Variants in FOXP2 observed in about 807,000 individuals in gnomAD.
The protein encoded by FOXP2 is forkhead box protein P2.
In FOXP2, 12 loss-of-function variants were observed where a neutral mutation model predicts 115.8. The ratio of observed to expected loss-of-function variants is 0.10; its 90% CI spans 0.07 to 0.17. The LOEUF is 0.17. Ranked by LOEUF, FOXP2 falls within the 10% of genes least tolerant of loss-of-function variation. The pLI is 1.00. For missense variants in FOXP2, 629 were observed against 843.5 expected, an observed-to-expected ratio of 0.75 and a Z score of 3.15; for synonymous variants, 328 against 297.7, an observed-to-expected ratio of 1.10 and a Z score of -1.05.
At chr7:114,678,345 C>G (rs576803343) in intron 16 of FOXP2, among the ~76,000 whole-genome samples, 1 of 152,100 alleles carries the variant, frequency 6.6e-6, no homozygotes, top group East Asian at 1.9e-4. Flanking sequence ...GATGGGGATA[C>G]CTGTAAAATG....
chr7:114,255,561 C>CGAGG (rs975191748), intron 1 of FOXP2, among the ~76,000 whole-genome samples: 21 of 152,326 alleles, frequency 1.4e-4, no homozygotes, highest in Non-Finnish European at 2.9e-4. Context: ...TAGCAATGAA[C>CGAGG]GAGGATCCGT....
At chr7:114,555,668 A>C (rs1016049956) in intron 3 of FOXP2, among the ~76,000 whole-genome samples, 2 of 152,048 alleles carry the variant, frequency 1.3e-5, no homozygotes, top group Non-Finnish European at 2.9e-5. Flanking sequence ...GTGGTGTTAC[A>C]TGCCTGTCAT....
At chr7:114,200,823 T>G (rs550997521) in intron 1 of FOXP2, among the ~76,000 whole-genome samples, 1 of 152,294 alleles carries the variant, frequency 6.6e-6, no homozygotes, top group Non-Finnish European at 1.5e-5. Context: ...ATCTTTTTTC[T>G]AAACATTGAC....
intron 2 of FOXP2, among the ~76,000 whole-genome samples, chr7:114,518,074 G>GGTGACTATTATA (rs1187881961): frequency 6.6e-6 from 1 of 151,736 alleles, no homozygotes. Context: ...AGTATTTTTT[G>GGTGACTATTATA]GTGACTATTA....
At chr7:114,124,161 G>T (rs1011873967) in intron 1 of FOXP2, among the ~76,000 whole-genome samples, 2 of 151,794 alleles carry the variant, frequency 1.3e-5, no homozygotes, top group Non-Finnish European at 2.9e-5. Flanking sequence ...ATATTGTTTG[G>T]CCCTAGGAAG....
At chr7:114,590,508 A>T (rs1365225666) in intron 3 of FOXP2, among the ~76,000 whole-genome samples, 3 of 152,130 alleles carry the variant, frequency 2.0e-5, no homozygotes, top group Admixed American at 2.0e-4. Context: ...GGGTTCCTGT[A>T]TTAACTTCCC....
At chr7:114,337,182 A>G (rs1797873448) in intron 2 of FOXP2, among the ~76,000 whole-genome samples, 1 of 151,534 alleles carries the variant, frequency 6.6e-6, no homozygotes, top group Non-Finnish European at 1.5e-5. Context: ...TTAAAACAGA[A>G]GGTGTTCAAG....
intron 2 of FOXP2, among the ~76,000 whole-genome samples, chr7:114,431,091 A>C (rs994813174): frequency 2.6e-5 from 4 of 151,930 alleles, no homozygotes; most frequent in Admixed American, 2.0e-4. Flanking sequence ...TATAGGTACA[A>C]GTGGTAGCAT....
At chr7:114,346,582 A>G (rs1055546257) in intron 2 of FOXP2, among the ~76,000 whole-genome samples, 2 of 151,868 alleles carry the variant, frequency 1.3e-5, no homozygotes, top group African/African-American at 4.8e-5. Context: ...ACACAATGGA[A>G]TACTATTCAG....
At chr7:114,134,212 T>G (rs1791963374) in intron 1 of FOXP2, among the ~76,000 whole-genome samples, 1 of 152,148 alleles carries the variant, frequency 6.6e-6, no homozygotes. Flanking sequence ...ACCTTAGCTC[T>G]TTTGGTACAA....
At chr7:114,400,993 G>A (rs138877633) in intron 2 of FOXP2, among the ~76,000 whole-genome samples, 21 of 152,238 alleles carry the variant, frequency 1.4e-4, no homozygotes, top group Admixed American at 3.9e-4. Context: ...GCAGGAGTAA[G>A]GGAGATTCTG....
chr7:114,354,386 T>G (rs942037019), intron 2 of FOXP2, among the ~76,000 whole-genome samples: 4 of 152,110 alleles, frequency 2.6e-5, no homozygotes, highest in African/African-American at 7.2e-5. Flanking sequence ...CTCATATATA[T>G]GTATATATAA....
intron 1 of FOXP2, among the ~76,000 whole-genome samples, chr7:114,245,425 A>G (rs1795257251): frequency 6.6e-6 from 1 of 152,186 alleles, no homozygotes; most frequent in Non-Finnish European, 1.5e-5. Context: ...AATATGTGTA[A>G]GTTTTCCTCC....
chr7:114,304,298 C>T (rs1461539504), intron 2 of FOXP2, among the ~76,000 whole-genome samples: 1 of 151,802 alleles, frequency 6.6e-6, no homozygotes, highest in Non-Finnish European at 1.5e-5. Context: ...ATGCTAGACT[C>T]CTAGCATTGA....
chr7:114,144,930 A>G (rs1456008224), intron 1 of FOXP2, among the ~76,000 whole-genome samples: 2 of 152,194 alleles, frequency 1.3e-5, no homozygotes, highest in African/African-American at 2.4e-5. Flanking sequence ...TTAATGTTCA[A>G]ATTGACTCTT....
chr7:114,126,940 C>G (rs1791726387), intron 1 of FOXP2, among the ~76,000 whole-genome samples: 1 of 152,088 alleles, frequency 6.6e-6, no homozygotes, highest in South Asian at 2.1e-4. Context: ...ACTTTATTAT[C>G]TCATAGTTTT....
At chr7:114,667,282 T>G (rs546597044) in intron 16 of FOXP2, 1 of 151,958 alleles carries the variant, frequency 6.6e-6, no homozygotes, top group Non-Finnish European at 1.5e-5. Flanking sequence ...TAAAAATTAG[T>G]TGGGTGTGGT....
chr7:114,629,962 A>T lies in FOXP2; in HGVS notation c.554A>T (p.Gln185Leu), dbSNP rs1029480822. The part of the protein sequence containing the change: ...QQQQQQQQQQ[Q>L]QQQQQQHPGK... ...CAACAACAGCAGCAGCAGCAGCAACAGCAGCAGCAGCAGCAACAGCATCCT... is the reference window on the plus strand; with the variant it reads ...CAACAACAGCAGCAGCAGCAGCAACTGCAGCAGCAGCAGCAACAGCATCCT... The change falls in exon 5 of 17, where the codon CAG (glutamine) becomes CTG (leucine). Residue 185 changes from glutamine (Q) to leucine (L), a missense_variant. Gln to Leu is a moderately radical substitution (Grantham distance 113, BLOSUM62 -2). Transcript: ENST00000350908. 25 of 1,597,870 alleles carry T rather than the reference A, an allele frequency of 1.6e-5. No homozygotes were observed. The highest frequency in any genetic ancestry group is 2.1e-5 in the Non-Finnish European group (24 of 1,169,330).
chr7:114,385,008 T>C (rs1792407283), intron 2 of FOXP2, among the ~76,000 whole-genome samples: 1 of 151,932 alleles, frequency 6.6e-6, no homozygotes, highest in Non-Finnish European at 1.5e-5. Context: ...ATCTTTTTCT[T>C]TCTTTTTCTC....
Sources: gnomAD v4.1 joint callset for allele counts (sites outside exome capture counted in the v4.1 genomes callset) on GRCh38, gnomAD v4.1.1 for gene constraint, MANE v1.5 for transcripts, NCBI Gene and HGNC (gene_info 2026-07-23, HGNC 2026-07-21) for gene names.